Variants in CROCC observed in about 807,000 individuals in gnomAD.
CROCC encodes rootletin.
In CROCC, 180 loss-of-function variants were observed where a neutral mutation model predicts 245.2. That is an observed-to-expected ratio of 0.73 (90% CI 0.65 to 0.83). The LOEUF is 0.83. Ranked by LOEUF, CROCC falls within the 40% of genes least tolerant of loss-of-function variation. CROCC has a pLI of 0.00. For synonymous variants in CROCC, 1,205 were observed against 1,241.6 expected, an observed-to-expected ratio of 0.97 and a Z score of 0.62; for missense variants, 2,688 against 2,779.4, an observed-to-expected ratio of 0.97 and a Z score of 0.74.
At chr1:16,940,829 C>G (rs1304706857) in intron 13 of CROCC, 1 of 371,186 alleles carries the variant, frequency 2.7e-6, no homozygotes, top group Admixed American at 3.3e-5. Context: ...CAGACTCAAG[C>G]GATCCTCCCA....
At chr1:16,958,797 A>T (rs968497815) in intron 26 of CROCC, 47 bp downstream of exon 26, 4 of 1,534,872 alleles carry the variant, frequency 2.6e-6, no homozygotes, top group Non-Finnish European at 3.5e-6. Flanking sequence ...TTCCCCCAGC[A>T]GGAAGCAGGT....
intron 10 of CROCC, among the ~76,000 whole-genome samples, chr1:16,938,137 C>A (rs1468865980): frequency 2.7e-5 from 4 of 150,170 alleles, no homozygotes; most frequent in Non-Finnish European, 5.9e-5. Context: ...GGTTTGGTCA[C>A]CCCTCTGTGT....
At chr1:16,965,337 C>T (rs1461411685) in intron 27 of CROCC, among the ~76,000 whole-genome samples, 2 of 151,960 alleles carry the variant, frequency 1.3e-5, no homozygotes, top group African/African-American at 2.4e-5. Context: ...TGCTCCTGGT[C>T]GGGGTGGGGG....
chr1:16,928,030 G>A (rs140291606), intron 3 of CROCC, among the ~76,000 whole-genome samples: 1 of 152,404 alleles, frequency 6.6e-6, no homozygotes, highest in African/African-American at 2.4e-5. Context: ...GGCCTGGAGG[G>A]CACCTTCCCT....
chr1:16,914,151 GGC>G (rs2075279904), intron 1 of CROCC, among the ~76,000 whole-genome samples: 1 of 151,282 alleles, frequency 6.6e-6, no homozygotes, highest in African/African-American at 2.4e-5. Context: ...GGTGGCCGGG[GGC>G]GCGCGCGTGC....
At position 16,926,158 on chromosome 1, in the gene CROCC, C is replaced by T. The variant is rs564985088; in HGVS notation, c.351+1679C>T. On this transcript the variant is annotated intron_variant, in intron 3 of 36. Coordinates refer to ENST00000375541, the MANE Select transcript of CROCC (RefSeq NM_014675.5). ...GGGGGCCCAAATGGCACGCAGAGGG[C>T]GCCCGCTGCTTCAGTTGTCCTCTAT... Among the ~76,000 whole-genome samples, 6 of 152,366 alleles carry T rather than the reference C, an allele frequency of 3.9e-5. No homozygotes were observed. The East Asian group carries it at 5.8e-4, about 15-fold the overall frequency.
chr1:16,939,199 G>GCC (rs2075864023), intron 12 of CROCC, 57 bp downstream of exon 12: 1 of 1,281,508 alleles, frequency 7.8e-7, no homozygotes, highest in African/African-American at 1.6e-5. Context: ...AGGGGCTCGC[G>GCC]CCCTCCGGGT....
At chr1:16,946,692 G>A (rs2076054062) in intron 16 of CROCC, 69 bp from the exon 17 acceptor site, 2 of 1,465,860 alleles carry the variant, frequency 1.4e-6, no homozygotes, top group Non-Finnish European at 1.9e-6. Context: ...TGGTGGGTGG[G>A]TGGAGGAGGC....
Position 16,951,020 on chromosome 1 carries a change from G to A in CROCC, c.2904G>A (p.Leu968=), listed in dbSNP as rs1406350471. 2 of 1,607,452 alleles carry A rather than the reference G, an allele frequency of 1.2e-6. No individual in the cohort carries two copies. The highest frequency in any genetic ancestry group is 2.2e-5 in the East Asian group (1 of 44,484). The change falls in exon 20 of 37, where the codon CTG becomes CTA. Residue 968 remains leucine (L), a synonymous_variant. Coordinates refer to ENST00000375541, the MANE Select transcript of CROCC (RefSeq NM_014675.5). The part of the protein sequence containing the change: ...TQEKASLDKE[L]MAQKLVQAER... ...AGAAAGCCAGTCTAGACAAGGAGCT[G>A]ATGGCCCAGAAGCTGGTGCAGGCTG...
Position 16,939,039 on chromosome 1 carries a change from G to A in CROCC, c.1505G>A (p.Gly502Asp), listed in dbSNP as rs773990250. The A allele has an allele frequency of 1.0e-5, 16 of 1,592,712 alleles. No individual in the cohort carries two copies. The highest frequency in any genetic ancestry group is 1.2e-5 in the Non-Finnish European group (14 of 1,173,130). ...TCCCCACCGCGGCGCTCCTCGCCCG[G>A]CCGAGGCCGTTCACCCCGCCGAGGC... is the stretch of plus-strand genomic sequence containing the variant. The part of the protein sequence containing the change: ...TPSPPRRSSP[G>D]RGRSPRRGPS... Residue 502 changes from glycine (G) to aspartate (D), a missense_variant, in exon 12 of 37, where the codon GGC becomes GAC. Around this residue, in one of 9 missense-constraint regions of CROCC, gnomAD observed 972 missense variants for 895.3 expected, o/e 1.09. Transcript: ENST00000375541.
intron 20 of CROCC, among the ~76,000 whole-genome samples, chr1:16,951,751 T>C (rs1174135918): frequency 6.6e-6 from 1 of 152,220 alleles, no homozygotes; most frequent in Non-Finnish European, 1.5e-5. Flanking sequence ...AGCCACCAAA[T>C]CCTAGACAGG....
At position 16,960,742 on chromosome 1, in the gene CROCC, C is replaced by T. The variant is rs1161643473; in HGVS notation, c.4033-16C>T. 1.3e-6 allele frequency: 2 copies of T among 1,501,238 alleles called. No individual in the cohort carries two copies. Among genetic ancestry groups the T allele is most frequent in the Admixed American group, 4.1e-5 (2 of 49,226 alleles). The allele number at this position is 1,501,238 out of a possible 1,614,324, so 93.0% of individuals were successfully genotyped here. ...GGAGAGGTCTTGCCGACCTCCACCT[C>T]CTGGCATCACTCCAGCTCCAGGTAG... On this transcript the variant is annotated splice_polypyrimidine_tract_variant and intron_variant, in intron 26 of 36. Transcript: ENST00000375541.
intron 13 of CROCC, among the ~76,000 whole-genome samples, chr1:16,940,368 C>T (rs1181875007): frequency 1.3e-5 from 2 of 151,908 alleles, no homozygotes; most frequent in Non-Finnish European, 2.9e-5. Context: ...GGACTACAGG[C>T]CCCTGCCACC....
At chr1:16,958,886 C>G (rs2076287719) in intron 26 of CROCC, 136 bp downstream of exon 26, 6 of 1,022,820 alleles carry the variant, frequency 5.9e-6, no homozygotes, top group Non-Finnish European at 8.5e-6. Flanking sequence ...AGACTCTTCC[C>G]CAGTTGTAGT....
rs145271401 is a variant in CROCC, at chr1:16,964,706, C to T, written c.4406-1017C>T. Among the ~76,000 whole-genome samples the T allele has an allele frequency of 5.8e-3, 886 of 152,080 alleles. 23 individuals carry two copies. The highest frequency in any genetic ancestry group is 0.04 in the Admixed American group (615 of 15,264). On this transcript the variant is annotated intron_variant, in intron 27 of 36. Transcript: ENST00000375541. ...TCTTTTCTTTCTTCTTTTTTTGAGA[C>T]GGAGTCTCGCTGTGTTACCCAGGCT...
At position 16,954,774 on chromosome 1, in the gene CROCC, G is replaced by A. The variant is rs753561068; in HGVS notation, c.3362G>A (p.Arg1121Gln). The change falls in exon 23 of 37, where the codon CGG becomes CAG. Residue 1121 changes from arginine to glutamine, a missense_variant. Physicochemically the swap from Arg to Gln is conservative, Grantham distance 43. Transcript: ENST00000375541. The surrounding 1 kb of genome is among the most constrained non-coding windows in gnomAD (Gnocchi z 4.4). ...CTGACGTCTGAGCTGCGGGACCTAC[G>A]GGCCCAGCGGGAGGAGGCTGCTGCG... ...NALTSELRDLRAQREEAAAAH... is the reference protein window; with the variant it reads ...NALTSELRDLQAQREEAAAAH... 29 of 1,554,214 alleles carry A rather than the reference G, an allele frequency of 1.9e-5. No individual in the cohort carries two copies. Among genetic ancestry groups the A allele is most frequent in the Admixed American group, 9.7e-5 (5 of 51,610 alleles).
intron 1 of CROCC, among the ~76,000 whole-genome samples, chr1:16,916,452 TC>T (rs1304287054): frequency 1.9e-4 from 29 of 152,262 alleles, no homozygotes; most frequent in Non-Finnish European, 1.0e-4. Context: ...CACATCGGCG[TC>T]CTGGGGTGGT....
intron 13 of CROCC, 58 bp downstream of exon 13, chr1:16,940,151 C>T: frequency 5.2e-6 from 8 of 1,533,222 alleles, no homozygotes; most frequent in South Asian, 1.2e-5. Flanking sequence ...CTGGGCATAA[C>T]ACCAGTCAAG....
At chr1:16,965,465 A>G (rs2076401789) in intron 27 of CROCC, among the ~76,000 whole-genome samples, 1 of 152,204 alleles carries the variant, frequency 6.6e-6, no homozygotes, top group Non-Finnish European at 1.5e-5. Context: ...AAGAGAGGCC[A>G]TGGGGAGAAG....
Sources: allele counts gnomAD v4.1 joint callset (sites outside exome capture counted in the v4.1 genomes callset), GRCh38; gene constraint gnomAD v4.1.1; regional missense constraint gnomAD v4.1.1; non-coding constraint Gnocchi (gnomAD v3.1); transcripts MANE v1.5; gene names NCBI Gene and HGNC (gene_info 2026-07-23, HGNC 2026-07-21).